The following TSPEAR variants were observed in gnomAD, a reference collection of about 807,000 sequenced individuals.
TSPEAR encodes thrombospondin type laminin G domain and EAR repeats, also known as thrombospondin-type laminin G domain and EAR repeat-containing protein.
Under a neutral mutation model 71.6 loss-of-function variants are expected in TSPEAR, and 69 were observed. The ratio of observed to expected loss-of-function variants is 0.96; its 90% CI spans 0.79 to 1.18. The LOEUF (loss-of-function observed/expected upper bound fraction) is 1.18, where lower values mean the gene tolerates loss of function less well. Ranked by LOEUF, TSPEAR falls within the 50% of genes most tolerant of loss-of-function variation. The probability of loss-of-function intolerance (pLI) is 0.00; values close to 1 mark genes in which losing one functional copy is unlikely to be tolerated. For missense variants in TSPEAR, 971 were observed against 894.9 expected, an observed-to-expected ratio of 1.09 and a Z score of -1.09; for synonymous variants, 402 against 387.2, an observed-to-expected ratio of 1.04 and a Z score of -0.45.
intron 1 of TSPEAR, among the ~76,000 whole-genome samples, chr21:44,665,898 C>A (rs1985727157): frequency 6.6e-6 from 1 of 152,198 alleles, no homozygotes; most frequent in South Asian, 2.1e-4. Context: ...AGGCTTTGGC[C>A]ATCAGTGCAG....
At chr21:44,631,665 G>A (rs1164115625) in intron 1 of TSPEAR, among the ~76,000 whole-genome samples, 1 of 152,202 alleles carries the variant, frequency 6.6e-6, no homozygotes, top group Non-Finnish European at 1.5e-5. Flanking sequence ...AGCGGAGGTT[G>A]CAGTGAGCCA....
intron 11 of TSPEAR, among the ~76,000 whole-genome samples, chr21:44,503,955 A>AAGCT (rs1465283463): frequency 1.6e-5 from 2 of 124,164 alleles, no homozygotes; most frequent in Admixed American, 8.3e-5. Flanking sequence ...CTCTGGGAGG[A>AAGCT]GGCCGGAGTT....
chr21:44,561,067 CA>C (rs1464005024), intron 2 of TSPEAR, among the ~76,000 whole-genome samples: 1 of 151,712 alleles, frequency 6.6e-6, no homozygotes, highest in Non-Finnish European at 1.5e-5. Flanking sequence ...AAAAAATTAA[CA>C]AAATAGATAG....
Position 44,517,664 on chromosome 21 carries a change from G to A in TSPEAR, c.1566+4219C>T, listed in dbSNP as rs1601347631. On this transcript the variant is annotated intron_variant, in intron 9 of 11. Coordinates refer to ENST00000323084, the MANE Select transcript of TSPEAR (RefSeq NM_144991.3). ...CTTGATATGAGAACTAACCCAATAT[G>A]GCAGGAAGCCACTGACATGTGGGAG... 9.2e-6 allele frequency: 4 copies of A among 432,802 alleles called. No individual in the cohort carries two copies. The East Asian group carries it at 2.9e-4, about 31-fold the overall frequency. 26.8% of individuals were successfully genotyped at this position (432,802 alleles called of 1,614,324 possible). A position where few individuals can be genotyped will look rare whatever the true frequency, so the allele number is the denominator to read the frequency against.
chr21:44,540,128 A>G (rs2053191054), intron 2 of TSPEAR: 2 of 1,613,516 alleles, frequency 1.2e-6, no homozygotes, highest in African/African-American at 2.7e-5. Flanking sequence ...GCTGGAGCAG[A>G]CGGACATGGT....
intron 1 of TSPEAR, among the ~76,000 whole-genome samples, chr21:44,635,708 T>C (rs1983520583): frequency 1.3e-5 from 2 of 152,176 alleles, no homozygotes; most frequent in Admixed American, 1.3e-4. Context: ...GATGATAGTA[T>C]TCTGGAACTA....
intron 1 of TSPEAR, among the ~76,000 whole-genome samples, chr21:44,686,829 T>C (rs1986882265): frequency 6.6e-6 from 1 of 152,204 alleles, no homozygotes; most frequent in South Asian, 2.1e-4. Context: ...GTCTCTCTGC[T>C]CCTTAATAGT....
At chr21:44,708,097 G>A (rs534700278) in intron 1 of TSPEAR, among the ~76,000 whole-genome samples, 4 of 152,030 alleles carry the variant, frequency 2.6e-5, no homozygotes, top group South Asian at 4.1e-4. Flanking sequence ...GAGAGAGGAC[G>A]GGAGAGAGAG....
At chr21:44,585,583 A>G (rs1979284502) in intron 1 of TSPEAR, among the ~76,000 whole-genome samples, 1 of 151,782 alleles carries the variant, frequency 6.6e-6, no homozygotes, top group African/African-American at 2.4e-5. Context: ...GTCCTTCTGC[A>G]TTGGGTTTCG....
intron 1 of TSPEAR, among the ~76,000 whole-genome samples, chr21:44,661,792 G>A (rs896582522): frequency 1.3e-5 from 2 of 152,092 alleles, no homozygotes; most frequent in African/African-American, 2.4e-5. Flanking sequence ...GGGGCCACAC[G>A]CCTTTAAACA....
intron 1 of TSPEAR, among the ~76,000 whole-genome samples, chr21:44,613,586 C>T (rs1300847323): frequency 1.3e-5 from 2 of 152,170 alleles, no homozygotes; most frequent in Admixed American, 6.5e-5. Flanking sequence ...GTGTGCCGCC[C>T]GCCCGAGGGT....
chr21:44,661,434 G>A (rs375698655), intron 1 of TSPEAR, among the ~76,000 whole-genome samples: 6 of 152,310 alleles, frequency 3.9e-5, no homozygotes, highest in Middle Eastern at 3.4e-3. Context: ...GTACACTGCC[G>A]TAAAGTCCTG....
chr21:44,524,773 TTAG>T (rs782000553), intron 8 of TSPEAR, among the ~76,000 whole-genome samples: 13 of 151,924 alleles, frequency 8.6e-5, no homozygotes, highest in East Asian at 3.9e-4. Context: ...AGTCAGGTAA[TTAG>T]TAGTCAGTCA....
chr21:44,573,612 G>A, intron 1 of TSPEAR: 1 of 1,370,380 alleles, frequency 7.3e-7, no homozygotes, highest in Non-Finnish European at 9.9e-7. Context: ...ACCCCAACAA[G>A]GAAGGGAGGG....
chr21:44,559,794 G>A lies in TSPEAR; in HGVS notation c.303+7991C>T, dbSNP rs934022740. The stretch of plus-strand genomic sequence containing the variant: ...TCCCTCATCTCCTCACTCTATGATC[G>A]CTATTTTCTACTAAATCTTTGAAAT... On this transcript the variant is annotated intron_variant, in intron 2 of 11. Coordinates refer to ENST00000323084, the MANE Select transcript of TSPEAR (RefSeq NM_144991.3). 9.9e-5 allele frequency among the ~76,000 whole-genome samples: 15 copies of A among 152,184 alleles called. 1 individual carries two copies. The South Asian group carries it at 2.1e-3, about 21-fold the overall frequency.
At chr21:44,542,795 C>T (rs970367959) in intron 2 of TSPEAR, among the ~76,000 whole-genome samples, 1 of 144,640 alleles carries the variant, frequency 6.9e-6, no homozygotes, top group Non-Finnish European at 1.5e-5. Flanking sequence ...AAAAAAGGAA[C>T]CCTCCAAACC....
intron 2 of TSPEAR, among the ~76,000 whole-genome samples, chr21:44,557,574 A>G (rs1316590390): frequency 1.1e-4 from 17 of 151,684 alleles, no homozygotes; most frequent in African/African-American, 4.1e-4. Flanking sequence ...GGTGTGGGGG[A>G]TTCACAGAGA....
At chr21:44,656,990 C>T (rs1555942666) in intron 1 of TSPEAR, among the ~76,000 whole-genome samples, 1 of 152,132 alleles carries the variant, frequency 6.6e-6, no homozygotes, top group African/African-American at 2.4e-5. Context: ...CTTGGGTCCT[C>T]ATGATCTGAC....
At chr21:44,651,500 G>A (rs1308663808) in intron 1 of TSPEAR, among the ~76,000 whole-genome samples, 1 of 152,202 alleles carries the variant, frequency 6.6e-6, no homozygotes, top group Non-Finnish European at 1.5e-5. Flanking sequence ...GGCTGCAGGA[G>A]AGAATCTTTC....
Sources: gnomAD v4.1 joint callset for allele counts (sites outside exome capture counted in the v4.1 genomes callset) on GRCh38, gnomAD v4.1.1 for gene constraint, MANE v1.5 for transcripts, NCBI Gene and HGNC (gene_info 2026-07-23, HGNC 2026-07-21) for gene names.